The following MAN2A1 variants were observed in gnomAD, a reference collection of about 807,000 sequenced individuals.
MAN2A1 encodes the protein mannosidase alpha class 2A member 1.
In MAN2A1, 76 loss-of-function variants were observed where a neutral mutation model predicts 142.6. The observed-to-expected ratio is 0.53, with a 90% CI of 0.44 to 0.65. The LOEUF (loss-of-function observed/expected upper bound fraction) is 0.65, where lower values mean the gene tolerates loss of function less well. MAN2A1 is among the 30% of genes least tolerant of loss of function. MAN2A1 has a pLI of 0.00. For synonymous variants in MAN2A1, 559 were observed against 473.2 expected, an observed-to-expected ratio of 1.18 and a Z score of -2.35; for missense variants, 1,311 against 1,365.1, an observed-to-expected ratio of 0.96 and a Z score of 0.62.
chr5:109,746,916 C>T (rs1021143077), intron 4 of MAN2A1, among the ~76,000 whole-genome samples: 2 of 152,144 alleles, frequency 1.3e-5, no homozygotes, highest in African/African-American at 4.8e-5. Context: ...CTTCAAGGCT[C>T]ATTCATGTTG....
intron 17 of MAN2A1, among the ~76,000 whole-genome samples, chr5:109,843,362 T>TG (rs746665909): frequency 6.6e-6 from 1 of 152,018 alleles, no homozygotes; most frequent in African/African-American, 2.4e-5. Flanking sequence ...AAGAACACCA[T>TG]GGGGGGAACC....
Position 109,845,039 on chromosome 5 carries a change from A to G in MAN2A1, c.2701-826A>G, listed in dbSNP as rs554234199. On this transcript the variant is annotated intron_variant, in intron 17 of 21. Transcript: ENST00000261483. The stretch of plus-strand genomic sequence containing the variant: ...TCACATTTGTGAAATACTCCGGACC[A>G]TGCCTTTCGTTAATGGGCACTTAAT... Among the ~76,000 whole-genome samples, 5 of 152,322 alleles carry G rather than the reference A, an allele frequency of 3.3e-5. No homozygotes were observed. The South Asian group carries it at 1.0e-3, about 32-fold the overall frequency.
chr5:109,777,772 C>G (rs1753335639), intron 8 of MAN2A1, among the ~76,000 whole-genome samples: 1 of 151,942 alleles, frequency 6.6e-6, no homozygotes, highest in South Asian at 2.1e-4. Flanking sequence ...TACATTTTGG[C>G]TTATATAGAT....
intron 20 of MAN2A1, among the ~76,000 whole-genome samples, chr5:109,857,280 C>T (rs1330913773): frequency 1.3e-5 from 2 of 152,192 alleles, no homozygotes; most frequent in African/African-American, 2.4e-5. Context: ...TATTTTGAAT[C>T]AGTGAATTGT....
chr5:109,739,087 C>G (rs902366430), intron 4 of MAN2A1, among the ~76,000 whole-genome samples: 1 of 152,164 alleles, frequency 6.6e-6, no homozygotes, highest in Non-Finnish European at 1.5e-5. Flanking sequence ...AGTGATCCAC[C>G]TGCCTCAGCC....
At chr5:109,775,862 A>G (rs2112658820) in intron 8 of MAN2A1, among the ~76,000 whole-genome samples, 1 of 152,296 alleles carries the variant, frequency 6.6e-6, no homozygotes, top group East Asian at 1.9e-4. Flanking sequence ...TTGAGTCAAA[A>G]TTCAAGCAAT....
In MAN2A1 at chr5:109,729,692, C is replaced by G. The variant is rs368414290; in HGVS notation, c.707+179C>G. 1.5e-3 allele frequency among the ~76,000 whole-genome samples: 234 copies of G among 152,188 alleles called. 9 individuals carry two copies. The South Asian group carries it at 0.048, about 31-fold the overall frequency. On this transcript the variant is annotated intron_variant, in intron 4 of 21. Transcript: ENST00000261483. ...TCTGAAAAAGCCATTTGAAACTTTT[C>G]CATTTAAATCCTGTGTTCCACTGGA...
chr5:109,776,346 T>C (rs1483484597), intron 8 of MAN2A1, among the ~76,000 whole-genome samples: 2 of 152,058 alleles, frequency 1.3e-5, no homozygotes, highest in African/African-American at 4.8e-5. Context: ...ACAGCTGAAT[T>C]TTTATCAGAT....
intron 10 of MAN2A1, among the ~76,000 whole-genome samples, chr5:109,787,945 A>G (rs2112676482): frequency 6.6e-6 from 1 of 152,038 alleles, no homozygotes; most frequent in Middle Eastern, 3.4e-3. Context: ...ATGTAAATGT[A>G]TTTAATTAAT....
In MAN2A1 at chr5:109,756,144, C is replaced by G. The variant is rs146240171; in HGVS notation, c.835+688C>G. On this transcript the variant is annotated intron_variant, in intron 5 of 21. Coordinates refer to ENST00000261483, the MANE Select transcript of MAN2A1 (RefSeq NM_002372.4). ...TTGGGGGAAAGGGAATTGTGGAGAG[C>G]AGGGTCAGCTGCACCTAAAGGCATG... Among the ~76,000 whole-genome samples, 264 of 152,040 alleles carry G rather than the reference C, an allele frequency of 1.7e-3. 1 individual carries two copies. The highest frequency in any genetic ancestry group is 0.014 in the Middle Eastern group (4 of 294).
chr5:109,802,142 A>G (rs1352504687), intron 12 of MAN2A1, among the ~76,000 whole-genome samples: 2 of 152,162 alleles, frequency 1.3e-5, no homozygotes, highest in Non-Finnish European at 2.9e-5. Flanking sequence ...CAGAACCTAC[A>G]CAGGCAAGGT....
intron 1 of MAN2A1, among the ~76,000 whole-genome samples, chr5:109,694,443 A>G (rs989909493): frequency 6.6e-6 from 1 of 151,970 alleles, no homozygotes; most frequent in Non-Finnish European, 1.5e-5. Context: ...TCTTGGGCCC[A>G]AGCCATTCTC....
At chr5:109,771,763 A>T (rs1753150864) in intron 7 of MAN2A1, among the ~76,000 whole-genome samples, 1 of 152,100 alleles carries the variant, frequency 6.6e-6, no homozygotes, top group Admixed American at 6.6e-5. Context: ...AGCTGTTTAT[A>T]TTTACAGGTA....
chr5:109,787,123 A>G (rs959441834), intron 10 of MAN2A1, among the ~76,000 whole-genome samples: 1 of 152,098 alleles, frequency 6.6e-6, no homozygotes, highest in Admixed American at 6.6e-5. Context: ...TCAGCTTAAA[A>G]GTATTAATAG....
At chr5:109,747,334 C>T (rs1471787665) in intron 4 of MAN2A1, among the ~76,000 whole-genome samples, 3 of 151,958 alleles carry the variant, frequency 2.0e-5, no homozygotes, top group African/African-American at 4.8e-5. Flanking sequence ...ATGTGTGCTT[C>T]TTGTATTTTT....
At chr5:109,774,710 T>C in intron 7 of MAN2A1, 78 bp from the exon 8 acceptor site, 1 of 1,089,034 alleles carries the variant, frequency 9.2e-7, no homozygotes, top group Non-Finnish European at 1.3e-6. Flanking sequence ...GGTTATTTCC[T>C]TTTTAATCAA....
chr5:109,781,331 A>G (rs1271648075), intron 8 of MAN2A1, 65 bp from the exon 9 acceptor site: 1 of 852,630 alleles, frequency 1.2e-6, no homozygotes, highest in Admixed American at 3.0e-5. Flanking sequence ...ACTTTCCCTA[A>G]CAGTGTAAGA....
intron 3 of MAN2A1, among the ~76,000 whole-genome samples, chr5:109,723,707 C>T (rs1751667461): frequency 1.3e-5 from 2 of 152,130 alleles, no homozygotes. Flanking sequence ...TAATCTGTCT[C>T]CCACTTCTAT....
intron 3 of MAN2A1, among the ~76,000 whole-genome samples, chr5:109,725,846 T>C (rs1400755790): frequency 3.3e-5 from 5 of 152,206 alleles, no homozygotes; most frequent in South Asian, 2.1e-4. Context: ...AGGTGCTTAA[T>C]TGTTCATGAA....
Sources: gnomAD v4.1 joint callset for allele counts (sites outside exome capture counted in the v4.1 genomes callset) on GRCh38, gnomAD v4.1.1 for gene constraint, MANE v1.5 for transcripts, NCBI Gene and HGNC (gene_info 2026-07-23, HGNC 2026-07-21) for gene names.